Variants in ITGA8 observed in about 807,000 individuals in gnomAD.
ITGA8 encodes the protein integrin alpha-8.
A neutral mutation model predicts 142.3 loss-of-function variants in ITGA8; 91 were observed. The ratio of observed to expected loss-of-function variants is 0.64; its 90% CI spans 0.54 to 0.76. The LOEUF (loss-of-function observed/expected upper bound fraction) is 0.76, where lower values mean the gene tolerates loss of function less well. Ranked by LOEUF, ITGA8 falls within the 30% of genes least tolerant of loss-of-function variation. ITGA8 has a pLI of 0.00. For synonymous variants in ITGA8, 505 were observed against 485.2 expected, an observed-to-expected ratio of 1.04 and a Z score of -0.54; for missense variants, 1,406 against 1,327.7, an observed-to-expected ratio of 1.06 and a Z score of -0.92.
rs546294037 is a variant in ITGA8 at position 15,704,120 on chromosome 10, A to G, written c.343+14646T>C. Among the ~76,000 whole-genome samples, 312 of 152,268 alleles carry G rather than the reference A, an allele frequency of 2.0e-3. 2 individuals are homozygous for G. The highest frequency in any genetic ancestry group is 6.5e-3 in the African/African-American group (269 of 41,548). On this transcript the variant is annotated intron_variant, in intron 2 of 29. Coordinates refer to ENST00000378076, the MANE Select transcript of ITGA8 (RefSeq NM_003638.3). ...CACTCCCATATTTCAATGAGTCATC[A>G]ATTCTTGTTGATGCTTCCTTTTGTT...
At chr10:15,599,031 G>A (rs530965972) in intron 20 of ITGA8, among the ~76,000 whole-genome samples, 13 of 151,868 alleles carry the variant, frequency 8.6e-5, no homozygotes, top group African/African-American at 2.9e-4. Flanking sequence ...AAAATCTTCC[G>A]TAAGTCCTCA....
intron 13 of ITGA8, among the ~76,000 whole-genome samples, chr10:15,628,433 C>T (rs992759251): frequency 6.8e-5 from 10 of 147,402 alleles, no homozygotes; most frequent in African/African-American, 1.3e-4. Flanking sequence ...CCTGGGTTCA[C>T]GCCATTCTCC....
At chr10:15,649,157 G>C (rs1834040420) in intron 11 of ITGA8, among the ~76,000 whole-genome samples, 1 of 152,070 alleles carries the variant, frequency 6.6e-6, no homozygotes, top group South Asian at 2.1e-4. Flanking sequence ...CATGCTTGGT[G>C]CTAGGGGCAT....
chr10:15,567,319 T>C (rs965134548), intron 25 of ITGA8, among the ~76,000 whole-genome samples: 3 of 151,984 alleles, frequency 2.0e-5, no homozygotes, highest in African/African-American at 7.2e-5. Flanking sequence ...AATAAGAAAA[T>C]TGATAGTTTG....
chr10:15,548,322 G>A lies in ITGA8; in HGVS notation c.2880+133C>T. 2 of 646,288 alleles carry A rather than the reference G, an allele frequency of 3.1e-6. No homozygotes were observed. The highest frequency in any genetic ancestry group is 5.4e-6 in the Non-Finnish European group (2 of 371,002). The allele number at this position is 646,288 out of a possible 1,614,324, so 40.0% of individuals were successfully genotyped here. A position where few individuals can be genotyped will look rare whatever the true frequency, so the allele number is the denominator to read the frequency against. On this transcript the variant is annotated intron_variant, in intron 27 of 29. Transcript: ENST00000378076. ...AGGCCAGGCTTGTCTCGAGCTCCTG[G>A]CCTCAAGTAATCCATCTGCCTCGGA... is the stretch of plus-strand genomic sequence containing the variant.
chr10:15,628,033 A>T (rs1317336658), intron 13 of ITGA8, among the ~76,000 whole-genome samples: 1 of 151,992 alleles, frequency 6.6e-6, no homozygotes, highest in Non-Finnish European at 1.5e-5. Flanking sequence ...ATACTAAAAG[A>T]CACTCTCACC....
intron 28 of ITGA8, among the ~76,000 whole-genome samples, chr10:15,519,860 G>A (rs1399037072): frequency 6.6e-6 from 1 of 152,164 alleles, no homozygotes; most frequent in East Asian, 1.9e-4. Flanking sequence ...ATCCTTGGAT[G>A]TGCAAGAAGG....
intron 26 of ITGA8, among the ~76,000 whole-genome samples, chr10:15,554,427 C>G (rs146386345): frequency 1.3e-5 from 2 of 152,334 alleles, no homozygotes; most frequent in East Asian, 3.9e-4. Context: ...GCTAGTGCCT[C>G]TCTGGCATGA....
intron 16 of ITGA8, 83 bp from the exon 17 acceptor site, chr10:15,607,914 C>T (rs1208717918): frequency 1.6e-6 from 2 of 1,235,540 alleles, no homozygotes; most frequent in Non-Finnish European, 2.3e-6. Flanking sequence ...TTTCAAGTTG[C>T]TTATTCAGGA....
At chr10:15,707,424 G>A (rs543223154) in intron 2 of ITGA8, among the ~76,000 whole-genome samples, 7 of 152,286 alleles carry the variant, frequency 4.6e-5, no homozygotes, top group Admixed American at 3.9e-4. Flanking sequence ...GAAAAGGCAA[G>A]GAAATAAATA....
chr10:15,704,301 A>G (rs1835218479), intron 2 of ITGA8, among the ~76,000 whole-genome samples: 1 of 152,130 alleles, frequency 6.6e-6, no homozygotes, highest in South Asian at 2.1e-4. Context: ...CTGAAGCCAG[A>G]GTTATTTCTC....
intron 25 of ITGA8, 61 bp from the exon 26 acceptor site, chr10:15,558,263 T>C (rs1328680270): frequency 1.9e-6 from 3 of 1,600,102 alleles, no homozygotes; most frequent in Non-Finnish European, 2.6e-6. Flanking sequence ...TACATTTTCT[T>C]TAGCCTTGAA....
intron 8 of ITGA8, among the ~76,000 whole-genome samples, chr10:15,670,999 C>A (rs1450456380): frequency 6.6e-6 from 1 of 152,174 alleles, no homozygotes; most frequent in African/African-American, 2.4e-5. Context: ...CACAGCTTTT[C>A]TTACTCTATG....
At chr10:15,621,458 C>T (rs181273174) in intron 13 of ITGA8, among the ~76,000 whole-genome samples, 1 of 152,126 alleles carries the variant, frequency 6.6e-6, no homozygotes, top group East Asian at 1.9e-4. Flanking sequence ...TCTTGCAAAT[C>T]GTTATTTTTA....
chr10:15,558,911 G>A (rs924560625), intron 25 of ITGA8, among the ~76,000 whole-genome samples: 4 of 152,036 alleles, frequency 2.6e-5, no homozygotes, highest in Admixed American at 6.6e-5. Flanking sequence ...ACAGAATATC[G>A]CATTAACATT....
intron 25 of ITGA8, among the ~76,000 whole-genome samples, chr10:15,563,946 C>A (rs1050254066): frequency 6.6e-6 from 1 of 151,932 alleles, no homozygotes; most frequent in Non-Finnish European, 1.5e-5. Context: ...AAACCAATAC[C>A]CCAAAGAAAA....
chr10:15,538,802 A>ATAATC (rs1833508478), intron 27 of ITGA8, among the ~76,000 whole-genome samples: 1 of 152,096 alleles, frequency 6.6e-6, no homozygotes, highest in Non-Finnish European at 1.5e-5. Flanking sequence ...AAAGACTCAG[A>ATAATC]TGACAATTTA....
At chr10:15,617,230 G>A (rs981751561) in intron 13 of ITGA8, among the ~76,000 whole-genome samples, 1 of 152,050 alleles carries the variant, frequency 6.6e-6, no homozygotes, top group African/African-American at 2.4e-5. Context: ...GCACAATTTT[G>A]CAAATGAGTC....
intron 6 of ITGA8, among the ~76,000 whole-genome samples, chr10:15,674,138 G>T (rs1042811954): frequency 1.7e-4 from 26 of 152,086 alleles, no homozygotes; most frequent in Admixed American, 1.0e-3. Flanking sequence ...CCAAGTGACT[G>T]GGACTTGAAA....
Sources: allele counts gnomAD v4.1 joint callset (sites outside exome capture counted in the v4.1 genomes callset), GRCh38; gene constraint gnomAD v4.1.1; transcripts MANE v1.5; gene names NCBI Gene and HGNC (gene_info 2026-07-23, HGNC 2026-07-21).